The following DCC variants were observed in gnomAD, a reference collection of about 807,000 sequenced individuals.
DCC encodes DCC netrin 1 receptor.
Under a neutral mutation model 172.5 loss-of-function variants are expected in DCC, and 58 were observed. That is an observed-to-expected ratio of 0.34 (90% CI 0.27 to 0.42). The LOEUF (loss-of-function observed/expected upper bound fraction) is 0.42, where lower values mean the gene tolerates loss of function less well. DCC is among the 10% of genes least tolerant of loss of function. DCC has a pLI of 1.00. For synonymous variants in DCC, 709 were observed against 644.5 expected (o/e 1.10, Z -1.52); for missense variants, 1,740 against 1,791.0 (o/e 0.97, Z 0.51).
chr18:52,610,171 AAAAAAAAATATATATATAT>A (rs2034234112), intron 1 of DCC, among the ~76,000 whole-genome samples: 2 of 24,886 alleles, frequency 8.0e-5, no homozygotes, highest in Non-Finnish European at 1.4e-4. Context: ...AAAAAAAAAA[AAAAAAAAATATATATATAT>A]ATATATATAT....
intron 1 of DCC, among the ~76,000 whole-genome samples, chr18:52,611,300 T>C (rs2034272801): frequency 6.6e-6 from 1 of 152,210 alleles, no homozygotes; most frequent in African/African-American, 2.4e-5. Context: ...CAAGGTCCCA[T>C]TCAGTTCTCA....
intron 5 of DCC, among the ~76,000 whole-genome samples, chr18:53,017,544 CTG>C (rs2041826395): frequency 6.6e-6 from 1 of 152,082 alleles, no homozygotes. Context: ...AATTCTAAGT[CTG>C]TAGTTACTGG....
intron 16 of DCC, among the ~76,000 whole-genome samples, chr18:53,388,932 G>T (rs1200946076): frequency 6.6e-6 from 1 of 152,032 alleles, no homozygotes; most frequent in Non-Finnish European, 1.5e-5. Context: ...CTGCAGGTGT[G>T]CCCCACTATA....
chr18:53,252,049 G>A (rs1036778922), intron 12 of DCC, among the ~76,000 whole-genome samples: 1 of 151,802 alleles, frequency 6.6e-6, no homozygotes, highest in African/African-American at 2.4e-5. Flanking sequence ...ATCCATGTAT[G>A]TTTCCTATAT....
chr18:52,511,196 G>A (rs898230408), intron 1 of DCC, among the ~76,000 whole-genome samples: 3 of 148,604 alleles, frequency 2.0e-5, no homozygotes, highest in African/African-American at 5.0e-5. Flanking sequence ...CAGGGGAATC[G>A]CTTCAACCTG....
At chr18:53,111,305 C>G (rs1001316084) in intron 7 of DCC, among the ~76,000 whole-genome samples, 8 of 149,748 alleles carry the variant, frequency 5.3e-5, no homozygotes, top group Non-Finnish European at 8.9e-5. Context: ...TGCTAAATGA[C>G]AAGTTACTGG....
chr18:52,848,435 A>G (rs1383248506), intron 2 of DCC, among the ~76,000 whole-genome samples: 2 of 152,150 alleles, frequency 1.3e-5, no homozygotes, highest in Admixed American at 6.5e-5. Flanking sequence ...AAATTAATTT[A>G]TGTCAGTAAG....
chr18:52,906,755 T>A (rs77091188), intron 3 of DCC, among the ~76,000 whole-genome samples: 7 of 151,948 alleles, frequency 4.6e-5, no homozygotes, highest in African/African-American at 1.7e-4. Context: ...ACTATAGATA[T>A]ATGATACATA....
chr18:53,530,906 A>G lies in DCC; in HGVS notation c.*253A>G. On this transcript the variant is annotated 3_prime_UTR_variant, in exon 29 of 29. Coordinates refer to ENST00000442544, the MANE Select transcript of DCC (RefSeq NM_005215.4). The stretch of plus-strand genomic sequence containing the variant: ...AGATGCATTTTCACTGCAATGTCAA[A>G]GTTTAAGCTGCTAGAATAGTCATGG... 1.7e-6 allele frequency: 1 copy of G among 577,664 alleles called. No homozygotes were observed. The highest frequency in any genetic ancestry group is 3.1e-6 in the Non-Finnish European group (1 of 319,978). The allele number at this position is 577,664 out of a possible 1,614,324, so 35.8% of individuals were successfully genotyped here.
At chr18:52,898,997 CT>C (rs1372210939) in intron 2 of DCC, among the ~76,000 whole-genome samples, 1 of 152,076 alleles carries the variant, frequency 6.6e-6, no homozygotes, top group Non-Finnish European at 1.5e-5. Flanking sequence ...CTGTTTGTGG[CT>C]TAGATAATAT....
chr18:52,544,314 T>C (rs2032551189), intron 1 of DCC, among the ~76,000 whole-genome samples: 1 of 152,222 alleles, frequency 6.6e-6, no homozygotes, highest in African/African-American at 2.4e-5. Flanking sequence ...GAAGAGTACC[T>C]GGTGATAACT....
At chr18:52,918,210 A>G (rs2040069291) in intron 3 of DCC, among the ~76,000 whole-genome samples, 1 of 152,132 alleles carries the variant, frequency 6.6e-6, no homozygotes, top group Non-Finnish European at 1.5e-5. Context: ...CCTGTAATTG[A>G]ACTATGTTCA....
chr18:52,531,203 G>C (rs1280727347), intron 1 of DCC, among the ~76,000 whole-genome samples: 2 of 152,162 alleles, frequency 1.3e-5, no homozygotes, highest in Non-Finnish European at 2.9e-5. Context: ...AGTCAAGCAA[G>C]CTACCTGGTG....
chr18:53,210,323 C>T (rs61016565), intron 11 of DCC, among the ~76,000 whole-genome samples: 6,214 of 152,210 alleles, frequency 0.041, 402 homozygotes, highest in African/African-American at 0.14. Context: ...CACTCTTCTT[C>T]GTTAACTTTA....
chr18:53,527,269 T>A (rs1191686451), intron 28 of DCC, among the ~76,000 whole-genome samples: 1 of 151,764 alleles, frequency 6.6e-6, no homozygotes, highest in African/African-American at 2.4e-5. Context: ...GGGTAGTGGC[T>A]ATTCACAGGC....
At chr18:52,784,934 GGAGA>G (rs59734988) in intron 2 of DCC, among the ~76,000 whole-genome samples, 21 of 141,552 alleles carry the variant, frequency 1.5e-4, no homozygotes, top group Non-Finnish European at 2.4e-4. Flanking sequence ...AGAGAAGGGG[GGAGA>G]GAGAGAGAGA....
At chr18:52,708,770 A>T (rs2036250990) in intron 1 of DCC, among the ~76,000 whole-genome samples, 1 of 152,196 alleles carries the variant, frequency 6.6e-6, no homozygotes, top group South Asian at 2.1e-4. Flanking sequence ...AAGAGAAAAA[A>T]CAAATTTGGT....
intron 1 of DCC, among the ~76,000 whole-genome samples, chr18:52,530,534 A>C (rs957064014): frequency 6.6e-6 from 1 of 152,230 alleles, no homozygotes; most frequent in Non-Finnish European, 1.5e-5. Context: ...AATGCACATA[A>C]AACATACTTA....
intron 2 of DCC, among the ~76,000 whole-genome samples, chr18:52,760,241 T>A (rs1265815337): frequency 2.6e-5 from 4 of 151,926 alleles, no homozygotes. Flanking sequence ...AAGTGCAGAG[T>A]GAAGTGGGGG....
Sources: gnomAD v4.1 joint callset for allele counts (sites outside exome capture counted in the v4.1 genomes callset) on GRCh38, gnomAD v4.1.1 for gene constraint, MANE v1.5 for transcripts, NCBI Gene and HGNC (gene_info 2026-07-23, HGNC 2026-07-21) for gene names.